USPL1: variants seen among roughly 807,000 people sequenced by gnomAD.
USPL1 encodes the protein ubiquitin specific peptidase like 1.
Under a neutral mutation model 51.5 loss-of-function variants are expected in USPL1, and 27 were observed. The observed-to-expected ratio is 0.52, with a 90% confidence interval of 0.39 to 0.72. USPL1 has a LOEUF of 0.72. Ranked by LOEUF, USPL1 falls within the 30% of genes least tolerant of loss-of-function variation. USPL1 has a pLI of 0.00. For synonymous variants in USPL1, 451 were observed against 459.6 expected, an observed-to-expected ratio of 0.98 and a Z score of 0.24; for missense variants, 1,226 against 1,268.0, an observed-to-expected ratio of 0.97 and a Z score of 0.50.
At position 30,659,119 on chromosome 13, in the gene USPL1, T is replaced by C; in HGVS notation, c.3042T>C (p.Val1014=). The change falls in exon 9 of 9, where the codon GTT becomes GTC. Residue 1014 remains valine (V), a synonymous_variant. Transcript: ENST00000255304. The part of the protein sequence containing the change: ...PPPVPSEFND[V]SQNTHLRQDH... ...CAGTACCAAGTGAATTCAATGATGTTTCCCAGAACACACATCTGAGACAGG... is the reference window on the plus strand; with the variant it reads ...CAGTACCAAGTGAATTCAATGATGTCTCCCAGAACACACATCTGAGACAGG... 1 of 1,614,212 alleles carries C rather than the reference T, an allele frequency of 6.2e-7. No individual in the cohort carries two copies. Among genetic ancestry groups the C allele is most frequent in the East Asian group, 2.2e-5 (1 of 44,890 alleles).
intron 3 of USPL1, among the ~76,000 whole-genome samples, chr13:30,624,413 G>A (rs900247640): frequency 6.6e-6 from 1 of 152,120 alleles, no homozygotes; most frequent in African/African-American, 2.4e-5. Context: ...CCAGGAATTG[G>A]AGACCAGCCC....
At position 30,621,091 on chromosome 13, in the gene USPL1, T is replaced by A. The variant is rs778428734; in HGVS notation, c.-50T>A. ...TTTCCAGGGTTCATTGAAAAAATCC[T>A]TAGTGATATTGACATGTCTCAAGTG... On this transcript the variant is annotated 5_prime_UTR_variant, in exon 2 of 9. Transcript: ENST00000255304. The A allele has an allele frequency of 6.8e-6, 10 of 1,470,852 alleles. No individual in the cohort carries two copies. The highest frequency in any genetic ancestry group is 9.3e-7 in the Non-Finnish European group (1 of 1,073,164). The allele number at this position is 1,470,852 out of a possible 1,614,324, so 91.1% of individuals were successfully genotyped here. A position where few individuals can be genotyped will look rare whatever the true frequency, so the allele number is the denominator to read the frequency against.
chr13:30,631,582 C>T, intron 4 of USPL1, 108 bp downstream of exon 4: 2 of 1,128,750 alleles, frequency 1.8e-6, no homozygotes, highest in Non-Finnish European at 2.4e-6. Flanking sequence ...CTCCTTGCAG[C>T]CTTGACTTCC....
At chr13:30,618,325 C>T (rs373952039) in intron 1 of USPL1, among the ~76,000 whole-genome samples, 1 of 152,274 alleles carries the variant, frequency 6.6e-6, no homozygotes, top group East Asian at 1.9e-4. Flanking sequence ...GCGCCTCCTT[C>T]GGCTTCTTAG....
Position 30,653,324 on chromosome 13 carries a change from TC to T in USPL1, c.1396+20del. On this transcript the variant is annotated intron_variant, in intron 8 of 8. Coordinates refer to ENST00000255304, the MANE Select transcript of USPL1 (RefSeq NM_005800.5). ...GCTGATGGTAAGTGTTTAGAGGTTT[TC>T]TTTTAAGATAATTGGCATAGAAACT... 1 of 1,539,394 alleles carries T rather than the reference TC, an allele frequency of 6.5e-7. No homozygotes were observed.
intron 6 of USPL1, among the ~76,000 whole-genome samples, chr13:30,644,495 C>T (rs1052872446): frequency 1.3e-5 from 2 of 151,720 alleles, no homozygotes; most frequent in African/African-American, 2.4e-5. Flanking sequence ...GCAAAGCTAA[C>T]CCTCCTGAGT....
intron 1 of USPL1, among the ~76,000 whole-genome samples, chr13:30,618,824 A>C (rs1049476883): frequency 6.6e-6 from 1 of 152,210 alleles, no homozygotes; most frequent in Non-Finnish European, 1.5e-5. Context: ...GCTTTAGGTC[A>C]TAATACTACC....
chr13:30,625,119 C>T (rs1386989612), intron 3 of USPL1, among the ~76,000 whole-genome samples: 1 of 152,008 alleles, frequency 6.6e-6, no homozygotes, highest in Non-Finnish European at 1.5e-5. Flanking sequence ...AAGGCAGTTG[C>T]AGTATTCTGG....
intron 5 of USPL1, 137 bp from the exon 6 acceptor site, chr13:30,642,489 CTG>C: frequency 1.0e-6 from 1 of 985,958 alleles, no homozygotes; most frequent in Non-Finnish European, 1.4e-6. Flanking sequence ...TCTCCCAACT[CTG>C]AGTGACTTAT....
intron 3 of USPL1, among the ~76,000 whole-genome samples, chr13:30,626,354 A>C (rs925384806): frequency 6.6e-6 from 1 of 151,756 alleles, no homozygotes; most frequent in Admixed American, 6.6e-5. Context: ...ATAAATCAAA[A>C]GAAGAATACC....
At chr13:30,632,117 C>T (rs531548761) in intron 4 of USPL1, among the ~76,000 whole-genome samples, 1 of 152,096 alleles carries the variant, frequency 6.6e-6, no homozygotes, top group Non-Finnish European at 1.5e-5. Context: ...CTTCCCCAAC[C>T]CCTCCATTCC....
intron 3 of USPL1, among the ~76,000 whole-genome samples, chr13:30,623,741 G>A (rs186456515): frequency 2.0e-5 from 3 of 152,240 alleles, no homozygotes; most frequent in Admixed American, 6.5e-5. Flanking sequence ...TTAGCCCCAC[G>A]TACAGGCCTC....
intron 5 of USPL1, 147 bp downstream of exon 5, chr13:30,638,004 C>T (rs191134051): frequency 4.3e-6 from 3 of 693,392 alleles, no homozygotes; most frequent in Non-Finnish European, 7.3e-6. Context: ...AGGAATCTAC[C>T]ACTGGGTAAG....
At chr13:30,633,738 G>A (rs1566050679) in intron 4 of USPL1, among the ~76,000 whole-genome samples, 3 of 139,502 alleles carry the variant, frequency 2.2e-5, no homozygotes, top group African/African-American at 5.5e-5. Flanking sequence ...CTGGGATCAC[G>A]CCACTGCACT....
intron 4 of USPL1, among the ~76,000 whole-genome samples, chr13:30,634,711 T>C (rs1950852753): frequency 6.6e-6 from 1 of 152,210 alleles, no homozygotes; most frequent in African/African-American, 2.4e-5. Context: ...CCCTTCTGTA[T>C]AACAAAGGAA....
intron 8 of USPL1, among the ~76,000 whole-genome samples, chr13:30,654,752 T>C (rs1180241960): frequency 6.6e-6 from 1 of 152,184 alleles, no homozygotes; most frequent in Admixed American, 6.5e-5. Flanking sequence ...TTGTTTTCCC[T>C]TTTGAAACTT....
Sources: allele counts gnomAD v4.1 joint callset (sites outside exome capture counted in the v4.1 genomes callset), GRCh38; gene constraint gnomAD v4.1.1; transcripts MANE v1.5; gene names NCBI Gene and HGNC (gene_info 2026-07-23, HGNC 2026-07-21).